Variants in ARHGAP24 observed in about 807,000 individuals in gnomAD.
ARHGAP24 encodes the protein Rho GTPase activating protein 24.
Under a neutral mutation model 76.4 loss-of-function variants are expected in ARHGAP24, and 50 were observed. That is an observed-to-expected ratio of 0.65 (90% CI 0.52 to 0.83). ARHGAP24 has a LOEUF of 0.83. ARHGAP24 is among the 40% of genes least tolerant of loss of function. The pLI, the probability that ARHGAP24 is intolerant of heterozygous loss-of-function variation, is 0.00. For missense variants in ARHGAP24, 930 were observed against 914.2 expected (o/e 1.02, Z -0.22); for synonymous variants, 345 against 323.3 (o/e 1.07, Z -0.72).
intron 3 of ARHGAP24, among the ~76,000 whole-genome samples, chr4:85,904,878 A>G (rs962713652): frequency 6.6e-6 from 1 of 152,242 alleles, no homozygotes; most frequent in Non-Finnish European, 1.5e-5. Context: ...AAAATTTGCA[A>G]GTAAATGCTT....
chr4:85,624,363 G>T (rs927524664), intron 2 of ARHGAP24, among the ~76,000 whole-genome samples: 1 of 151,978 alleles, frequency 6.6e-6, no homozygotes, highest in African/African-American at 2.4e-5. Flanking sequence ...TTTATCTTTG[G>T]TTCTGTTTAT....
chr4:85,877,626 A>AT (rs1056588789), intron 3 of ARHGAP24, among the ~76,000 whole-genome samples: 1 of 3,386 alleles, frequency 3.0e-4, no homozygotes, highest in Non-Finnish European at 7.8e-4. Context: ...CATTATCTTA[A>AT]TTAAAAAAAA....
intron 3 of ARHGAP24, among the ~76,000 whole-genome samples, chr4:85,869,435 T>G (rs1732402093): frequency 6.6e-6 from 1 of 152,122 alleles, no homozygotes; most frequent in Non-Finnish European, 1.5e-5. Context: ...GCTCTGACTC[T>G]TAGGCATTGT....
At chr4:85,683,117 TG>T (rs201448168) in intron 2 of ARHGAP24, among the ~76,000 whole-genome samples, 12,308 of 56,962 alleles carry the variant, frequency 0.22, 1,061 homozygotes, top group Middle Eastern at 0.25. Flanking sequence ...TGTGGGGGGG[TG>T]GGGGGGGGGT....
chr4:85,741,606 G>C (rs1350825611), intron 3 of ARHGAP24, among the ~76,000 whole-genome samples: 2 of 152,196 alleles, frequency 1.3e-5, no homozygotes, highest in African/African-American at 4.8e-5. Context: ...GTGATGAGCA[G>C]AAGAACTCAC....
At chr4:85,747,218 G>A (rs72656277) in intron 3 of ARHGAP24, among the ~76,000 whole-genome samples, 11,450 of 151,924 alleles carry the variant, frequency 0.075, 503 homozygotes, top group Middle Eastern at 0.1. Context: ...ATCAGTTTAC[G>A]TTTCACTTAT....
At chr4:85,526,748 G>T (rs1265703344) in intron 1 of ARHGAP24, among the ~76,000 whole-genome samples, 1 of 152,002 alleles carries the variant, frequency 6.6e-6, no homozygotes, top group Non-Finnish European at 1.5e-5. Context: ...TTCAATTATT[G>T]AATACCTGAG....
rs181896808 is a variant in ARHGAP24, at chr4:85,658,308, C to T, written c.181-63577C>T. Among the ~76,000 whole-genome samples, 407 of 152,186 alleles carry T rather than the reference C, an allele frequency of 2.7e-3. 3 individuals carry two copies. The highest frequency in any genetic ancestry group is 3.8e-3 in the Non-Finnish European group (261 of 67,996). ...TTATTCAATTTAAAGGAATATGTAG[C>T]GGATCATTTTTGGAAATTTATTACT... On this transcript the variant is annotated intron_variant, in intron 2 of 9. Transcript: ENST00000395184.
chr4:85,945,023 T>A (rs1005904636), intron 5 of ARHGAP24, among the ~76,000 whole-genome samples: 1 of 152,006 alleles, frequency 6.6e-6, no homozygotes, highest in Admixed American at 6.5e-5. Flanking sequence ...ATTTCGTATT[T>A]TTACTAGAGA....
intron 8 of ARHGAP24, among the ~76,000 whole-genome samples, chr4:85,988,461 G>T (rs1174916593): frequency 6.6e-6 from 1 of 151,578 alleles, no homozygotes; most frequent in Non-Finnish European, 1.5e-5. Flanking sequence ...CTTTTAATTT[G>T]TATGCAAAGT....
At chr4:85,817,520 T>C (rs1729293494) in intron 3 of ARHGAP24, among the ~76,000 whole-genome samples, 1 of 152,206 alleles carries the variant, frequency 6.6e-6, no homozygotes, top group Non-Finnish European at 1.5e-5. Context: ...GAGAAGTAAG[T>C]GCTGGGTGCA....
chr4:85,842,460 A>T (rs111520193), intron 3 of ARHGAP24, among the ~76,000 whole-genome samples: 202 of 152,318 alleles, frequency 1.3e-3, no homozygotes, highest in African/African-American at 4.6e-3. Context: ...AGTGTAAAAC[A>T]TTTTTATTGT....
chr4:85,956,815 C>T (rs1382390813), intron 5 of ARHGAP24, among the ~76,000 whole-genome samples: 3 of 152,054 alleles, frequency 2.0e-5, no homozygotes, highest in Admixed American at 6.6e-5. Flanking sequence ...TGGTGGATGG[C>T]GAGTGAAAAC....
intron 3 of ARHGAP24, among the ~76,000 whole-genome samples, chr4:85,756,232 A>T (rs1364563093): frequency 6.6e-6 from 1 of 152,070 alleles, no homozygotes; most frequent in Non-Finnish European, 1.5e-5. Context: ...ATTAAACTAA[A>T]TGTTCCACAC....
intron 1 of ARHGAP24, among the ~76,000 whole-genome samples, chr4:85,475,792 T>C (rs1578173730): frequency 2.0e-5 from 3 of 151,428 alleles, no homozygotes; most frequent in Admixed American, 2.0e-4. Context: ...TGTGTGTGTG[T>C]GCGCGCGCGC....
chr4:85,837,775 T>G (rs1208604263), intron 3 of ARHGAP24, among the ~76,000 whole-genome samples: 2 of 152,178 alleles, frequency 1.3e-5, no homozygotes, highest in Non-Finnish European at 2.9e-5. Flanking sequence ...AAAACTGCCA[T>G]GCTGCGGGCA....
At position 85,540,206 on chromosome 4, in the gene ARHGAP24, AT is replaced by A. The variant is rs1725622865; in HGVS notation, c.-20-30310del. On this transcript the variant is annotated intron_variant, in intron 1 of 9. Coordinates refer to ENST00000395184, the MANE Select transcript of ARHGAP24 (RefSeq NM_001025616.3). The stretch of plus-strand genomic sequence containing the variant: ...AGAGGATTTATTTTTAAAAATAAAA[AT>A]TTTTTATGGCTCCTTGAAATATCAT... 3.3e-5 allele frequency among the ~76,000 whole-genome samples: 5 copies of A among 152,094 alleles called. No individual in the cohort carries two copies. The South Asian group carries it at 8.3e-4, about 25-fold the overall frequency.
At chr4:85,637,132 CA>C (rs1395715125) in intron 2 of ARHGAP24, among the ~76,000 whole-genome samples, 1 of 152,078 alleles carries the variant, frequency 6.6e-6, no homozygotes, top group African/African-American at 2.4e-5. Flanking sequence ...GAAGTGCATG[CA>C]TTTTTCATTT....
chr4:85,809,166 A>T (rs1728909296), intron 3 of ARHGAP24, among the ~76,000 whole-genome samples: 1 of 152,078 alleles, frequency 6.6e-6, no homozygotes, highest in Non-Finnish European at 1.5e-5. Flanking sequence ...GATCAAAGAC[A>T]TTTTTTTCTC....
Sources: allele counts gnomAD v4.1 joint callset (sites outside exome capture counted in the v4.1 genomes callset), GRCh38; gene constraint gnomAD v4.1.1; transcripts MANE v1.5; gene names NCBI Gene and HGNC (gene_info 2026-07-23, HGNC 2026-07-21).